HMGN5: variants seen among roughly 807,000 people sequenced by gnomAD.
The protein encoded by HMGN5 is high mobility group nucleosome-binding domain-containing protein 5.
In HMGN5, 4 loss-of-function variants were observed where a neutral mutation model predicts 9.5. That is an observed-to-expected ratio of 0.42 (90% CI 0.21 to 0.96). HMGN5 has a LOEUF of 0.96. HMGN5 is among the 40% of genes least tolerant of loss of function. The probability of loss-of-function intolerance (pLI) is 0.30; values close to 1 mark genes in which losing one functional copy is unlikely to be tolerated. For missense variants in HMGN5, 192 were observed against 187.5 expected (o/e 1.02, Z -0.14); for synonymous variants, 55 against 57.1 (o/e 0.96, Z 0.16).
intron 1 of HMGN5, among the ~76,000 whole-genome samples, chrX:81,135,810 T>A (rs1220843939): frequency 9.0e-6 from 1 of 111,204 alleles, no homozygotes; most frequent in African/African-American, 3.3e-5. Context: ...ATAACTCATG[T>A]TGAAATTTAA....
intron 1 of HMGN5, among the ~76,000 whole-genome samples, chrX:81,173,959 A>G (rs2075434110): frequency 9.0e-6 from 1 of 110,942 alleles, no homozygotes; most frequent in Admixed American, 9.6e-5. Context: ...TATGATGTGA[A>G]CTCCTGGAGA....
intron 1 of HMGN5, among the ~76,000 whole-genome samples, chrX:81,140,824 T>A (rs1206456716): frequency 9.0e-6 from 1 of 111,059 alleles, no homozygotes; most frequent in Non-Finnish European, 1.9e-5. Context: ...GTTACCAGCA[T>A]GGCCACGGGG....
chrX:81,188,040 TTTG>T (rs2075482317), intron 1 of HMGN5, among the ~76,000 whole-genome samples: 1 of 110,538 alleles, frequency 9.0e-6, no homozygotes. Flanking sequence ...TTTTTAACTT[TTTG>T]TTGTTTCTAC....
intron 3 of HMGN5, 53 bp downstream of exon 3, chrX:81,119,735 G>C (rs1209994510): frequency 1.8e-6 from 2 of 1,086,122 alleles, no homozygotes; most frequent in Admixed American, 2.2e-5. Flanking sequence ...CTTATGTCAA[G>C]TTTATAAAAC....
chrX:81,119,482 A>G (rs1335729296), intron 3 of HMGN5, among the ~76,000 whole-genome samples: 1 of 112,147 alleles, frequency 8.9e-6, no homozygotes, highest in African/African-American at 3.2e-5. Context: ...TACACACACC[A>G]AATCATAGTC....
Position 81,161,928 on chromosome X carries a change from G to C in HMGN5, c.-124+39809C>G, listed in dbSNP as rs759283047. 8.2e-5 allele frequency among the ~76,000 whole-genome samples: 9 copies of C among 109,402 alleles called. No homozygotes were observed. In the South Asian group the frequency reaches 3.3e-3, roughly 41 times the overall value. ...AAAGAATGCAGTACTTGGTAAGTTT[G>C]AATACAATACTATTTCACTTTCCCA... On this transcript the variant is annotated intron_variant, in intron 1 of 6. Coordinates refer to ENST00000358130, the MANE Select transcript of HMGN5 (RefSeq NM_030763.3).
At chrX:81,198,203 T>G (rs2075514745) in intron 1 of HMGN5, among the ~76,000 whole-genome samples, 1 of 111,649 alleles carries the variant, frequency 9.0e-6, no homozygotes, top group African/African-American at 3.3e-5. Flanking sequence ...GCAACATAAT[T>G]TAGGTTTAGT....
intron 1 of HMGN5, among the ~76,000 whole-genome samples, chrX:81,198,717 G>A (rs2075516232): frequency 9.0e-6 from 1 of 111,683 alleles, no homozygotes; most frequent in African/African-American, 3.3e-5. Context: ...AGGTATTGAT[G>A]GAACATATCT....
At chrX:81,164,348 C>T (rs1265748801) in intron 1 of HMGN5, among the ~76,000 whole-genome samples, 2 of 110,996 alleles carry the variant, frequency 1.8e-5, no homozygotes, top group African/African-American at 6.6e-5. Flanking sequence ...ACATTTTCCT[C>T]TAATTGTTCC....
At chrX:81,144,828 A>C (rs1033171540) in intron 1 of HMGN5, among the ~76,000 whole-genome samples, 17 of 112,210 alleles carry the variant, frequency 1.5e-4, no homozygotes, top group Non-Finnish European at 2.6e-4. Flanking sequence ...GCTGAAAAAC[A>C]TAGCACAAGA....
At chrX:81,187,983 G>A (rs1463136337) in intron 1 of HMGN5, among the ~76,000 whole-genome samples, 3 of 111,098 alleles carry the variant, frequency 2.7e-5, no homozygotes, top group Non-Finnish European at 5.7e-5. Context: ...TAACAAGCAA[G>A]CAAAAAGAAA....
intron 1 of HMGN5, among the ~76,000 whole-genome samples, chrX:81,172,509 G>A (rs2075428959): frequency 9.3e-6 from 1 of 107,699 alleles, no homozygotes; most frequent in Non-Finnish European, 1.9e-5. Flanking sequence ...CATGTAAAGA[G>A]ATTGTTGTTA....
chrX:81,179,531 C>G (rs1254439531), intron 1 of HMGN5, among the ~76,000 whole-genome samples: 1 of 111,241 alleles, frequency 9.0e-6, no homozygotes, highest in Non-Finnish European at 1.9e-5. Context: ...AACTACAAAC[C>G]ACTGCTCAAT....
rs959096256 is a variant in HMGN5, at chrX:81,182,483, C to T, written c.-124+19254G>A. On this transcript the variant is annotated intron_variant, in intron 1 of 6. Transcript: ENST00000358130. ...GGGGTGATTTCTCATGGTTTAACTC[C>T]GTCCCCATTGGAGCTGTTGTTGTGA... is the stretch of plus-strand genomic sequence containing the variant. Among the ~76,000 whole-genome samples, 3 of 111,556 alleles carry T rather than the reference C, an allele frequency of 2.7e-5. No individual in the cohort carries two copies. The Admixed American group carries it at 2.9e-4, about 11-fold the overall frequency.
intron 1 of HMGN5, among the ~76,000 whole-genome samples, chrX:81,133,303 T>C (rs1279127770): frequency 3.6e-5 from 4 of 111,732 alleles, no homozygotes; most frequent in Non-Finnish European, 7.5e-5. Flanking sequence ...TGACAATTCC[T>C]CAAAGACCTA....
intron 1 of HMGN5, among the ~76,000 whole-genome samples, chrX:81,160,306 C>T (rs765879578): frequency 1.3e-4 from 15 of 111,794 alleles, no homozygotes; most frequent in Non-Finnish European, 2.6e-4. Flanking sequence ...TGGTAATGTC[C>T]AGAGGCAAAT....
chrX:81,115,546 T>C (rs1367553265), intron 6 of HMGN5, among the ~76,000 whole-genome samples: 1 of 112,341 alleles, frequency 8.9e-6, no homozygotes, highest in Non-Finnish European at 1.9e-5. Context: ...GACATATATT[T>C]ATTCTGTATC....
chrX:81,156,595 C>T lies in HMGN5; in HGVS notation c.-123-34923G>A, dbSNP rs189593055. 3.4e-3 allele frequency among the ~76,000 whole-genome samples: 382 copies of T among 112,011 alleles called. 2 individuals are homozygous for T. Among genetic ancestry groups the T allele is most frequent in the African/African-American group, 0.012 (365 of 30,861 alleles). On this transcript the variant is annotated intron_variant, in intron 1 of 6. Coordinates refer to ENST00000358130, the MANE Select transcript of HMGN5 (RefSeq NM_030763.3). Reference sequence around the variant, plus strand: ...TTATTTATCTCCACAGCACTTATCACTTTCAATAAGCAATTTAATTTACTT... The same window carrying T: ...TTATTTATCTCCACAGCACTTATCATTTTCAATAAGCAATTTAATTTACTT...
chrX:81,150,548 G>T (rs2075358398), intron 1 of HMGN5, among the ~76,000 whole-genome samples: 1 of 111,628 alleles, frequency 9.0e-6, no homozygotes, highest in Non-Finnish European at 1.9e-5. Flanking sequence ...CCTGGGCACT[G>T]AGAGTGAAAC....
Sources: allele counts gnomAD v4.1 joint callset (sites outside exome capture counted in the v4.1 genomes callset), GRCh38; gene constraint gnomAD v4.1.1; transcripts MANE v1.5; gene names NCBI Gene and HGNC (gene_info 2026-07-23, HGNC 2026-07-21).